The following GAS7 variants were observed in gnomAD, a reference collection of about 807,000 sequenced individuals.
GAS7 encodes growth arrest-specific protein 7.
Under a neutral mutation model 71.1 loss-of-function variants are expected in GAS7, and 28 were observed. That is an observed-to-expected ratio of 0.39 (90% CI 0.29 to 0.54). The LOEUF (loss-of-function observed/expected upper bound fraction) is 0.54, where lower values mean the gene tolerates loss of function less well. GAS7 is among the 20% of genes least tolerant of loss of function. The pLI, the probability that GAS7 is intolerant of heterozygous loss-of-function variation, is 0.62. For synonymous variants in GAS7, 258 were observed against 245.8 expected (o/e 1.05, Z -0.46); for missense variants, 436 against 627.8 (o/e 0.69, Z 3.27).
intron 8 of GAS7, among the ~76,000 whole-genome samples, chr17:9,939,574 G>A (rs1465180596): frequency 3.3e-5 from 5 of 152,054 alleles, no homozygotes; most frequent in East Asian, 1.9e-4. Flanking sequence ...CATCTGGAAC[G>A]TGGCTCTTGG....
chr17:9,978,617 G>A (rs1315501783), intron 3 of GAS7, among the ~76,000 whole-genome samples: 1 of 152,056 alleles, frequency 6.6e-6, no homozygotes, highest in Non-Finnish European at 1.5e-5. Context: ...GGAGGAGGCT[G>A]CAGTGAGCTA....
chr17:10,029,992 T>C (rs907900373), intron 1 of GAS7, among the ~76,000 whole-genome samples: 1 of 152,176 alleles, frequency 6.6e-6, no homozygotes, highest in African/African-American at 2.4e-5. Flanking sequence ...TAGTGAAGCA[T>C]CCGTGTCCTG....
At chr17:9,934,921 A>T (rs976114282) in intron 8 of GAS7, among the ~76,000 whole-genome samples, 3 of 152,132 alleles carry the variant, frequency 2.0e-5, no homozygotes, top group Admixed American at 6.5e-5. Flanking sequence ...TTTTTAGTAG[A>T]GACGGGGTTT....
At position 9,919,800 on chromosome 17, in the gene GAS7, C is replaced by A; in HGVS notation, c.1139-95G>T. ...CCCCACAGCCAAGCCTTCTCCTCCCCCTGGGGTCATGGTGGCCGCTGGAAA... is the reference window on the plus strand; with the variant it reads ...CCCCACAGCCAAGCCTTCTCCTCCCACTGGGGTCATGGTGGCCGCTGGAAA... On this transcript the variant is annotated intron_variant, in intron 11 of 13. Coordinates refer to ENST00000432992, the MANE Select transcript of GAS7 (RefSeq NM_201433.2). This position sits in a 1 kb window ranked among gnomAD's most constrained non-coding sequence, Gnocchi z 5.0. 2 of 923,544 alleles carry A rather than the reference C, an allele frequency of 2.2e-6. No homozygotes were observed. Among genetic ancestry groups the A allele is most frequent in the Admixed American group, 1.7e-5 (1 of 58,394 alleles). 57.2% of individuals were successfully genotyped at this position (923,544 alleles called of 1,614,324 possible).
chr17:9,929,232 C>A (rs2068121688), intron 9 of GAS7, among the ~76,000 whole-genome samples: 1 of 152,178 alleles, frequency 6.6e-6, no homozygotes, highest in South Asian at 2.1e-4. Context: ...AAGCAAGTGA[C>A]TTTCAGGCTT....
chr17:10,190,311 G>A (rs1325172609), intron 1 of GAS7, among the ~76,000 whole-genome samples: 4 of 152,120 alleles, frequency 2.6e-5, no homozygotes, highest in African/African-American at 4.8e-5. Flanking sequence ...CTGGCCGGGC[G>A]CAGTGGCTCA....
In GAS7 at chr17:9,914,687, G is replaced by A. The variant is rs1441078340; in HGVS notation, c.*2541C>T. 1.4e-5 allele frequency: 3 copies of A among 218,596 alleles called. No individual in the cohort carries two copies. The highest frequency in any genetic ancestry group is 6.7e-5 in the African/African-American group (3 of 44,556). 13.5% of individuals were successfully genotyped at this position (218,596 alleles called of 1,614,324 possible). ...CGACGGTGGTTTATATTATAATAAA[G>A]AATCCCAGAGGGTTAAGTGTGGAGA... On this transcript the variant is annotated 3_prime_UTR_variant, in exon 14 of 14. Transcript: ENST00000432992.
At chr17:10,036,723 T>C (rs1055504818) in intron 1 of GAS7, 30 of 1,272,150 alleles carry the variant, frequency 2.4e-5, no homozygotes, top group Non-Finnish European at 2.9e-5. Flanking sequence ...CAACTTGTTC[T>C]GGACTTTCCA....
intron 3 of GAS7, among the ~76,000 whole-genome samples, chr17:9,979,330 A>C (rs974991385): frequency 1.3e-5 from 2 of 152,194 alleles, no homozygotes; most frequent in African/African-American, 4.8e-5. Flanking sequence ...CAACACACTC[A>C]GTCTAGCCTT....
intron 1 of GAS7, among the ~76,000 whole-genome samples, chr17:10,081,614 A>C (rs1178675252): frequency 6.6e-6 from 1 of 152,392 alleles, no homozygotes; most frequent in East Asian, 1.9e-4. Context: ...AAATGAGCAG[A>C]GAATGCACAG....
At chr17:10,005,931 G>A (rs907424392) in intron 2 of GAS7, among the ~76,000 whole-genome samples, 3 of 152,172 alleles carry the variant, frequency 2.0e-5, no homozygotes, top group South Asian at 2.1e-4. Context: ...GGTACACAAT[G>A]CACAGTGGAC....
At chr17:10,181,510 G>A (rs542400817) in intron 1 of GAS7, among the ~76,000 whole-genome samples, 1 of 152,236 alleles carries the variant, frequency 6.6e-6, no homozygotes, top group African/African-American at 2.4e-5. Context: ...GCAAAAAAAA[G>A]CAAAGCTGTA....
rs561976217 is a variant in GAS7 at position 10,056,114 on chromosome 17, T to C, written c.184-36217A>G. Reference sequence around the variant, plus strand: ...CAATGTCCGGGTGCAGTGGTTGATATCTATAATCCCAGCACTTTGAGATCG... The same window carrying C: ...CAATGTCCGGGTGCAGTGGTTGATACCTATAATCCCAGCACTTTGAGATCG... On this transcript the variant is annotated intron_variant, in intron 1 of 13. Transcript: ENST00000432992. Among the ~76,000 whole-genome samples the C allele has an allele frequency of 1.2e-4, 18 of 152,190 alleles. No individual in the cohort carries two copies. In the East Asian group the frequency reaches 2.5e-3, roughly 21 times the overall value.
rs563490956 is a variant in GAS7, at chr17:9,919,522, C to T, written c.1218+104G>A. The T allele has an allele frequency of 2.5e-5, 21 of 836,592 alleles. No individual in the cohort carries two copies. The Admixed American group carries it at 2.6e-4, about 10-fold the overall frequency. The allele number at this position is 836,592 out of a possible 1,614,324, so 51.8% of individuals were successfully genotyped here. On this transcript the variant is annotated intron_variant, in intron 12 of 13. Coordinates refer to ENST00000432992, the MANE Select transcript of GAS7 (RefSeq NM_201433.2). The surrounding 1 kb of genome is among the most constrained non-coding windows in gnomAD (Gnocchi z 5.0). ...ACTGAAGTAGATTTGATGACCATCT[C>T]CAGGGTCACTCCACCCCATCATCCC... is the stretch of plus-strand genomic sequence containing the variant.
At position 10,110,629 on chromosome 17, in the gene GAS7, G is replaced by A. The variant is rs141013592; in HGVS notation, c.183+87579C>T. Among the ~76,000 whole-genome samples the A allele has an allele frequency of 4.2e-3, 641 of 152,184 alleles. 6 individuals carry two copies. The highest frequency in any genetic ancestry group is 0.014 in the African/African-American group (565 of 41,526). ...TGGGACTACAGGTGCATGTCACCAC[G>A]TCTGGCTGATTTTTGTATTTTTAGT... On this transcript the variant is annotated intron_variant, in intron 1 of 13. Transcript: ENST00000432992.
chr17:10,017,201 C>G (rs1386298303), intron 2 of GAS7, among the ~76,000 whole-genome samples: 3 of 151,760 alleles, frequency 2.0e-5, no homozygotes, highest in African/African-American at 4.8e-5. Flanking sequence ...GCAAATAGGA[C>G]AAGTCCTTGT....
At chr17:10,012,589 C>T (rs2152192363) in intron 2 of GAS7, among the ~76,000 whole-genome samples, 2 of 152,202 alleles carry the variant, frequency 1.3e-5, no homozygotes, top group Middle Eastern at 6.8e-3. Context: ...ACCCAGCCGA[C>T]CTTTCAATCA....
intron 1 of GAS7, among the ~76,000 whole-genome samples, chr17:10,138,533 G>A (rs2074057258): frequency 1.3e-5 from 2 of 152,064 alleles, no homozygotes; most frequent in African/African-American, 2.4e-5. Context: ...GGGAAGCCGA[G>A]GTGGGCAGAT....
chr17:10,036,626 G>A, intron 1 of GAS7: 1 of 1,443,302 alleles, frequency 6.9e-7, no homozygotes, highest in Non-Finnish European at 9.1e-7. Flanking sequence ...GGTTCCTGTG[G>A]CTTTGCTCAT....
Sources: allele counts gnomAD v4.1 joint callset (sites outside exome capture counted in the v4.1 genomes callset), GRCh38; gene constraint gnomAD v4.1.1; non-coding constraint Gnocchi (gnomAD v3.1); transcripts MANE v1.5; gene names NCBI Gene and HGNC (gene_info 2026-07-23, HGNC 2026-07-21).